ACER2: variants seen among roughly 807,000 people sequenced by gnomAD.
The protein encoded by ACER2 is alkCDase 2.
Under a neutral mutation model 34.7 loss-of-function variants are expected in ACER2, and 26 were observed. That is an observed-to-expected ratio of 0.75 (90% CI 0.55 to 1.04). The LOEUF (loss-of-function observed/expected upper bound fraction) is 1.04, where lower values mean the gene tolerates loss of function less well. Ranked by LOEUF, ACER2 falls within the 50% of genes least tolerant of loss-of-function variation. The pLI, the probability that ACER2 is intolerant of heterozygous loss-of-function variation, is 0.00. For synonymous variants in ACER2, 138 were observed against 132.1 expected, an observed-to-expected ratio of 1.04 and a Z score of -0.31; for missense variants, 352 against 340.8, an observed-to-expected ratio of 1.03 and a Z score of -0.26.
intron 1 of ACER2, among the ~76,000 whole-genome samples, chr9:19,419,705 G>A (rs185231348): frequency 6.6e-5 from 10 of 152,360 alleles, no homozygotes; most frequent in East Asian, 1.9e-4. Flanking sequence ...GGACATTACA[G>A]TAAGGTGAGA....
chr9:19,419,478 A>C (rs1024183256), intron 1 of ACER2, among the ~76,000 whole-genome samples: 1 of 152,130 alleles, frequency 6.6e-6, no homozygotes, highest in African/African-American at 2.4e-5. Flanking sequence ...AAGTGAACCA[A>C]CTAAAGGCTG....
intron 3 of ACER2, among the ~76,000 whole-genome samples, chr9:19,428,609 C>T (rs1830654251): frequency 4.6e-5 from 7 of 151,706 alleles, no homozygotes; most frequent in Admixed American, 4.6e-4. Flanking sequence ...AAAAAAGGCT[C>T]TGGGACCCTG....
intron 1 of ACER2, among the ~76,000 whole-genome samples, chr9:19,415,698 G>C (rs1370358342): frequency 6.6e-6 from 1 of 152,172 alleles, no homozygotes. Context: ...GACAGCTTGG[G>C]AGTAGATAGT....
chr9:19,446,537 C>T, intron 5 of ACER2, 119 bp downstream of exon 5: 1 of 1,546,040 alleles, frequency 6.5e-7, no homozygotes, highest in African/African-American at 1.4e-5. Context: ...TGCTTCTCTC[C>T]TCAGGTGGAC....
chr9:19,425,019 T>G (rs989606816), intron 3 of ACER2, among the ~76,000 whole-genome samples, 178 bp downstream of exon 3: 1 of 152,166 alleles, frequency 6.6e-6, no homozygotes, highest in Non-Finnish European at 1.5e-5. Flanking sequence ...ACTGACAGAT[T>G]AAAGAGAGAA....
intron 4 of ACER2, among the ~76,000 whole-genome samples, chr9:19,436,325 A>C (rs1830972982): frequency 2.0e-5 from 3 of 152,220 alleles, no homozygotes; most frequent in Non-Finnish European, 4.4e-5. Flanking sequence ...AATTTTATCA[A>C]GTAGCTCATA....
chr9:19,439,051 A>G (rs141108055), intron 4 of ACER2, among the ~76,000 whole-genome samples: 1 of 152,224 alleles, frequency 6.6e-6, no homozygotes, highest in Non-Finnish European at 1.5e-5. Context: ...CTACTTCACA[A>G]TTGTGATCTT....
chr9:19,412,524 C>T (rs766748408), intron 1 of ACER2, among the ~76,000 whole-genome samples: 28 of 151,694 alleles, frequency 1.8e-4, no homozygotes, highest in East Asian at 1.9e-4. Context: ...TGTGGTGGTG[C>T]GTGCCTGTAA....
At chr9:19,449,186 A>G (rs1373837233) in intron 5 of ACER2, among the ~76,000 whole-genome samples, 1 of 152,238 alleles carries the variant, frequency 6.6e-6, no homozygotes, top group African/African-American at 2.4e-5. Context: ...CACATAGTAG[A>G]CAGTCATTAC....
chr9:19,415,018 G>A (rs575162887), intron 1 of ACER2, among the ~76,000 whole-genome samples: 1 of 152,070 alleles, frequency 6.6e-6, no homozygotes, highest in African/African-American at 2.4e-5. Flanking sequence ...TTTCTCTTGG[G>A]GAAAGTCTCC....
intron 4 of ACER2, among the ~76,000 whole-genome samples, chr9:19,441,992 C>G (rs1255157700): frequency 6.6e-6 from 1 of 152,150 alleles, no homozygotes; most frequent in Admixed American, 6.5e-5. Context: ...TTCTCTTTAG[C>G]CTTTATTCCT....
chr9:19,446,726 T>A, intron 5 of ACER2: 1 of 760,990 alleles, frequency 1.3e-6, no homozygotes, highest in South Asian at 6.0e-5. Context: ...ACCTGAGCTC[T>A]AGCTAGGTGT....
chr9:19,410,959 G>C (rs1830069920), intron 1 of ACER2, among the ~76,000 whole-genome samples: 1 of 152,180 alleles, frequency 6.6e-6, no homozygotes, highest in Non-Finnish European at 1.5e-5. Context: ...CTTGATGACA[G>C]GTTCTCACAC....
rs370515164 is a variant in ACER2 at position 19,434,983 on chromosome 9, G to T, written c.402G>T (p.Ala134=). 1.2e-6 allele frequency: 2 copies of T among 1,614,026 alleles called. No individual in the cohort carries two copies. The highest frequency in any genetic ancestry group is 1.7e-6 in the Non-Finnish European group (2 of 1,180,024). ...RFKVVVSVLS[A]VTTCLAFVKP... ...AGGTGGTGGTCAGTGTCCTGTCTGC[G>T]GTTACGACGTGCCTGGCATTTGTCA... The change falls in exon 4 of 6, where the codon GCG becomes GCT. Residue 134 remains alanine, a synonymous_variant. Coordinates refer to ENST00000340967, the MANE Select transcript of ACER2 (RefSeq NM_001010887.3).
At position 19,452,000 on chromosome 9, in the gene ACER2, G is replaced by T. The variant is rs1403966369; in HGVS notation, c.*1364G>T. The T allele has an allele frequency of 1.3e-5, 2 of 152,592 alleles. No individual in the cohort carries two copies. Among genetic ancestry groups the T allele is most frequent in the African/African-American group, 4.8e-5 (2 of 41,424 alleles). The allele number at this position is 152,592 out of a possible 1,614,324, so 9.5% of individuals were successfully genotyped here. A position where few individuals can be genotyped will look rare whatever the true frequency, so the allele number is the denominator to read the frequency against. Reference sequence around the variant, plus strand: ...ACTCACGGGCTGGTTTGGGTCGCTGGTGCAGCAGCGCAAATCTGTTGCCTT... The same window carrying T: ...ACTCACGGGCTGGTTTGGGTCGCTGTTGCAGCAGCGCAAATCTGTTGCCTT... On this transcript the variant is annotated 3_prime_UTR_variant, in exon 6 of 6. Coordinates refer to ENST00000340967, the MANE Select transcript of ACER2 (RefSeq NM_001010887.3).
rs181043105 is a variant in ACER2 at position 19,450,647 on chromosome 9, G to A, written c.*11G>A. ...GTCAAGATCACGTGATGGCAAGATG[G>A]TGGCTGGCTTCTCTGCTTATCGCCC... On this transcript the variant is annotated 3_prime_UTR_variant, in exon 6 of 6. Coordinates refer to ENST00000340967, the MANE Select transcript of ACER2 (RefSeq NM_001010887.3). The A allele has an allele frequency of 3.9e-6, 6 of 1,537,638 alleles. No individual in the cohort carries two copies. The East Asian group carries it at 6.9e-5, about 18-fold the overall frequency.
chr9:19,414,624 C>T (rs143974101), intron 1 of ACER2, among the ~76,000 whole-genome samples: 283 of 152,226 alleles, frequency 1.9e-3, no homozygotes, highest in African/African-American at 6.6e-3. Flanking sequence ...ATGGCAAAAC[C>T]CTACCCTGTC....
chr9:19,434,665 C>A (rs1057186414), intron 3 of ACER2, among the ~76,000 whole-genome samples: 26 of 152,240 alleles, frequency 1.7e-4, no homozygotes, highest in African/African-American at 6.3e-4. Context: ...TGCAGGCACT[C>A]CGCAGGCTGA....
In ACER2 at chr9:19,451,210, C is replaced by G. The variant is rs1265249528; in HGVS notation, c.*574C>G. 6.6e-6 allele frequency: 1 copy of G among 152,344 alleles called. No individual in the cohort carries two copies. Among genetic ancestry groups the G allele is most frequent in the Non-Finnish European group, 1.5e-5 (1 of 68,140 alleles). 9.4% of individuals were successfully genotyped at this position (152,344 alleles called of 1,614,324 possible). A position where few individuals can be genotyped will look rare whatever the true frequency, so the allele number is the denominator to read the frequency against. ...CTTCCTGGAGAAAGCTGGCCTGCTC[C>G]AGACCCCACCATTCCCAGGCGCCCT... On this transcript the variant is annotated 3_prime_UTR_variant, in exon 6 of 6. Coordinates refer to ENST00000340967, the MANE Select transcript of ACER2 (RefSeq NM_001010887.3).
Sources: allele counts gnomAD v4.1 joint callset (sites outside exome capture counted in the v4.1 genomes callset), GRCh38; gene constraint gnomAD v4.1.1; transcripts MANE v1.5; gene names NCBI Gene and HGNC (gene_info 2026-07-23, HGNC 2026-07-21).